MUC3A: variants seen among roughly 807,000 people sequenced by gnomAD.
The protein encoded by MUC3A is mucin 3A, cell surface associated, also known as mucin-3A.
In MUC3A, 109 loss-of-function variants were observed where a neutral mutation model predicts 109.0. The observed-to-expected ratio is 1.00, with a 90% CI of 0.86 to 1.17. The LOEUF (loss-of-function observed/expected upper bound fraction) is 1.17, where lower values mean the gene tolerates loss of function less well. Ranked by LOEUF, MUC3A falls within the 50% of genes most tolerant of loss-of-function variation. MUC3A has a pLI of 0.00. For synonymous variants in MUC3A, 1,398 were observed against 981.4 expected, an observed-to-expected ratio of 1.42 and a Z score of -7.93; for missense variants, 3,537 against 2,469.4, an observed-to-expected ratio of 1.43 and a Z score of -9.16.
rs1312565841 is a variant in MUC3A at position 100,959,183 on chromosome 7, T to C, written c.7404T>C (p.Thr2468=). Residue 2468 remains threonine (T), a synonymous_variant, in exon 2 of 12, where the codon ACT becomes ACC. Coordinates refer to ENST00000379458, the MANE Select transcript of MUC3A (RefSeq NM_005960.2). The part of the protein sequence containing the change: ...AITSHFTTSE[T]AVTPTPVTPS... ...CCTCACATTTTACTACCTCAGAGAC[T>C]GCGGTGACTCCCACACCTGTAACCC... The C allele has an allele frequency of 6.3e-7, 1 of 1,596,856 alleles. No individual in the cohort carries two copies.
At chr7:100,965,946 C>T (rs1792524105) in intron 8 of MUC3A, 80 bp downstream of exon 8, 2 of 1,492,488 alleles carry the variant, frequency 1.3e-6, no homozygotes, top group South Asian at 2.7e-5. Flanking sequence ...TGCTCCGCCC[C>T]GGCTCCGCGC....
Position 100,963,737 on chromosome 7 carries a change from A to C in MUC3A, c.9218A>C (p.Glu3073Ala), listed in dbSNP as rs1463126018. ...CAGGGCTTCACCTTCAAGGGTGTGG[A>C]GATCCTGTCCCTGAGGTAGGAGACC... is the stretch of plus-strand genomic sequence containing the variant. Reference protein sequence around the residue: ...DMQGFTFKGVEILSLRNGSIV... With the variant: ...DMQGFTFKGVAILSLRNGSIV... Residue 3073 changes from glutamate to alanine, a missense_variant, in exon 5 of 12, where the codon GAG (glutamate) becomes GCG (alanine). Coordinates refer to ENST00000379458, the MANE Select transcript of MUC3A (RefSeq NM_005960.2). The C allele has an allele frequency of 1.5e-5, 24 of 1,598,430 alleles. No individual in the cohort carries two copies. The highest frequency in any genetic ancestry group is 3.4e-6 in the Non-Finnish European group (4 of 1,179,836).
intron 6 of MUC3A, 154 bp from the exon 7 acceptor site, chr7:100,965,128 T>G (rs1792481899): frequency 1.8e-6 from 2 of 1,108,594 alleles, no homozygotes; most frequent in African/African-American, 3.4e-5. Context: ...ACAGGAGTCT[T>G]CGCCTGTGGC....
At chr7:100,966,835 GTCCCCCTC>G in intron 10 of MUC3A, 56 bp from the exon 11 acceptor site, 2 of 1,598,380 alleles carry the variant, frequency 1.3e-6, no homozygotes, top group Non-Finnish European at 1.7e-6. Context: ...CATTTACTCC[GTCCCCCTC>G]TCCCTTCCGT....
Position 100,952,907 on chromosome 7 carries a change from C to T in MUC3A, c.1128C>T (p.Thr376=). Residue 376 remains threonine (T), a synonymous_variant, in exon 2 of 12, where the codon ACC becomes ACT. Coordinates refer to ENST00000379458, the MANE Select transcript of MUC3A (RefSeq NM_005960.2). The part of the protein sequence containing the change: ...SLPPTSSSLP[T]TETATTPMTN... Reference sequence around the variant, plus strand: ...CACCCACCTCTTCCTCTCTCCCAACCACAGAAACAGCCACGACTCCTATGA... The same window carrying T: ...CACCCACCTCTTCCTCTCTCCCAACTACAGAAACAGCCACGACTCCTATGA... 26 of 1,583,600 alleles carry T rather than the reference C, an allele frequency of 1.6e-5. No homozygotes were observed. Among genetic ancestry groups the T allele is most frequent in the Non-Finnish European group, 2.2e-5 (26 of 1,172,358 alleles).
rs770722430 is a variant in MUC3A, at chr7:100,959,395, C to T, written c.7616C>T (p.Ser2539Phe). The T allele has an allele frequency of 1.3e-6, 2 of 1,535,982 alleles. No individual in the cohort carries two copies. The highest frequency in any genetic ancestry group is 1.7e-6 in the Non-Finnish European group (2 of 1,152,190). ...TCCATCCAAAGTACAGAAACCTCAT[C>T]CCTTGTGGGCACCACCTCTCCCACC... is the stretch of plus-strand genomic sequence containing the variant. The part of the protein sequence containing the change: ...SPSIQSTETS[S>F]LVGTTSPTMS... The change falls in exon 2 of 12, where the codon TCC becomes TTC. Residue 2539 changes from serine to phenylalanine, a missense_variant. Coordinates refer to ENST00000379458, the MANE Select transcript of MUC3A (RefSeq NM_005960.2).
rs1056687085 is a variant in MUC3A, at chr7:100,955,935, C to T, written c.4156C>T (p.Pro1386Ser). 3 of 536,266 alleles carry T rather than the reference C, an allele frequency of 5.6e-6. No individual in the cohort carries two copies. Among genetic ancestry groups the T allele is most frequent in the Non-Finnish European group, 9.9e-6 (3 of 302,214 alleles). 33.2% of individuals were successfully genotyped at this position (536,266 alleles called of 1,614,324 possible). Reference sequence around the variant, plus strand: ...CACAACAGCCATGACTTCTACTCCCCCCATCACTTCTTCAATCACTCCCAC... The same window carrying T: ...CACAACAGCCATGACTTCTACTCCCTCCATCACTTCTTCAATCACTCCCAC... ...SLTTAMTSTP[P>S]ITSSITPTDT... The change falls in exon 2 of 12, where the codon CCC (proline) becomes TCC (serine). Residue 1386 changes from proline to serine, a missense_variant. Transcript: ENST00000379458.
At chr7:100,966,246 C>CTACTGTGGATT in intron 8 of MUC3A, 140 bp from the exon 9 acceptor site, 1 of 604,538 alleles carries the variant, frequency 1.7e-6, no homozygotes, top group Non-Finnish European at 2.3e-6. Flanking sequence ...AGGGTGGATT[C>CTACTGTGGATT]CCAGCCCCTT....
chr7:100,966,220 C>T (rs1238394426), intron 8 of MUC3A, 166 bp from the exon 9 acceptor site: 6 of 326,040 alleles, frequency 1.8e-5, no homozygotes, highest in East Asian at 8.0e-5. Flanking sequence ...AGGGTAGAGC[C>T]CCGGCCCCTC....
In MUC3A at chr7:100,967,270, G is replaced by T. The variant is rs994374353; in HGVS notation, c.*108G>T. 4 of 1,519,334 alleles carry T rather than the reference G, an allele frequency of 2.6e-6. No individual in the cohort carries two copies. The East Asian group carries it at 7.1e-5, about 27-fold the overall frequency. 94.1% of individuals were successfully genotyped at this position (1,519,334 alleles called of 1,614,324 possible). A position where few individuals can be genotyped will look rare whatever the true frequency, so the allele number is the denominator to read the frequency against. ...CAGGACGCGGGCAGCCCAGGCTCCT[G>T]CTGTTCTTGGGCAAGATGAGACTGT... On this transcript the variant is annotated 3_prime_UTR_variant, in exon 12 of 12. Transcript: ENST00000379458.
Position 100,958,585 on chromosome 7 carries a change from A to ATCACCACCACCGAGACCACATCCCACAG in MUC3A, c.6807_6808insCACCACCACCGAGACCACATCCCACAGT (p.Thr2270HisfsTer21). On this transcript the variant is annotated frameshift_variant, in exon 2 of 12. Transcript: ENST00000379458. LOFTEE classifies it high-confidence loss of function. ...ACCACCACTGAGACCACCTCACATG[A>ATCACCACCACCGAGACCACATCCCACAG]TACTCCCAGCTTCACTTCTTCAATC... 2 of 231,588 alleles carry ATCACCACCACCGAGACCACATCCCACAG rather than the reference A, an allele frequency of 8.6e-6. No individual in the cohort carries two copies. The highest frequency in any genetic ancestry group is 1.4e-5 in the Non-Finnish European group (2 of 138,410). 14.3% of individuals were successfully genotyped at this position (231,588 alleles called of 1,614,324 possible).
intron 6 of MUC3A, 81 bp from the exon 7 acceptor site, chr7:100,965,201 A>C: frequency 6.4e-7 from 1 of 1,559,382 alleles, no homozygotes; most frequent in Non-Finnish European, 8.6e-7. Context: ...CCCTGTGCCT[A>C]TCCTGCCTCC....
In MUC3A at chr7:100,958,869, A is replaced by G; in HGVS notation, c.7090A>G (p.Thr2364Ala). Residue 2364 changes from threonine to alanine, a missense_variant, in exon 2 of 12, where the codon ACC becomes GCC. Physicochemically the swap from Thr to Ala is moderately conservative, Grantham distance 58. Coordinates refer to ENST00000379458, the MANE Select transcript of MUC3A (RefSeq NM_005960.2). ...STTSFTSSIT[T>A]TETTSHSTPS... ...TACCAGCTTCACTTCTTCGATCACCACCACCGAGACCACCTCACACAGTAC... is the reference window on the plus strand; with the variant it reads ...TACCAGCTTCACTTCTTCGATCACCGCCACCGAGACCACCTCACACAGTAC... The G allele has an allele frequency of 1.3e-6, 2 of 1,590,654 alleles. No individual in the cohort carries two copies. The highest frequency in any genetic ancestry group is 8.5e-7 in the Non-Finnish European group (1 of 1,175,140).
chr7:100,952,534 C>T lies in MUC3A; in HGVS notation c.755C>T (p.Ala252Val). The T allele has an allele frequency of 6.3e-7, 1 of 1,598,484 alleles. No individual in the cohort carries two copies. The highest frequency in any genetic ancestry group is 8.5e-7 in the Non-Finnish European group (1 of 1,179,724). ...PTPVFTTLKT[A>V]VTSTSPITSS... ...CCAGTATTTACTACTCTCAAAACAG[C>T]AGTGACTTCCACTTCCCCCATCACT... The change falls in exon 2 of 12, where the codon GCA (alanine) becomes GTA (valine). Residue 252 changes from alanine to valine, a missense_variant. By Grantham distance (64) the Ala-to-Val change is moderately conservative (BLOSUM62 0). Transcript: ENST00000379458.
At chr7:100,951,756 G>T in intron 1 of MUC3A, 85 bp from the exon 2 acceptor site, 1 of 1,542,502 alleles carries the variant, frequency 6.5e-7, no homozygotes, top group Non-Finnish European at 8.7e-7. Context: ...CCTGGAAAAT[G>T]GGTGAGTGAG....
chr7:100,967,778 A>C lies in MUC3A; in HGVS notation c.*616A>C. 6.0e-6 allele frequency: 1 copy of C among 167,992 alleles called. No homozygotes were observed. The highest frequency in any genetic ancestry group is 2.5e-5 in the African/African-American group (1 of 39,990). The allele number at this position is 167,992 out of a possible 1,614,324, so 10.4% of individuals were successfully genotyped here. A position where few individuals can be genotyped will look rare whatever the true frequency, so the allele number is the denominator to read the frequency against. The stretch of plus-strand genomic sequence containing the variant: ...TCCTGCACCCCAGTCCCCCAGCCCT[A>C]AATCCTCCCTCCTCTCCTCACATCC... On this transcript the variant is annotated 3_prime_UTR_variant, in exon 12 of 12. Transcript: ENST00000379458.
rs1791967910 is a variant in MUC3A at position 100,952,214 on chromosome 7, T to C, written c.435T>C (p.Cys145=). The C allele has an allele frequency of 1.3e-6, 2 of 1,598,440 alleles. No homozygotes were observed. Among genetic ancestry groups the C allele is most frequent in the South Asian group, 1.1e-5 (1 of 91,096 alleles). Residue 145 remains cysteine (C), a synonymous_variant, in exon 2 of 12, where the codon TGT becomes TGC. Transcript: ENST00000379458. ...CCATCTCCCACCCCACCTCCATCTGTGTGACCACGACGCAGGTGGCCTTCA... is the reference window on the plus strand; with the variant it reads ...CCATCTCCCACCCCACCTCCATCTGCGTGACCACGACGCAGGTGGCCTTCA... ...IITISHPTSI[C]VTTTQVAFTS...
chr7:100,950,580 GC>G (rs746594788), intron 1 of MUC3A, among the ~76,000 whole-genome samples: 30 of 152,424 alleles, frequency 2.0e-4, no homozygotes, highest in Admixed American at 1.0e-3. Flanking sequence ...CCAGCTCTCA[GC>G]CACAAGATGG....
Position 100,953,372 on chromosome 7 carries a change from A to AGG in MUC3A, c.1593_1594insGG (p.Thr532GlyfsTer99). On this transcript the variant is annotated frameshift_variant, in exon 2 of 12. Coordinates refer to ENST00000379458, the MANE Select transcript of MUC3A (RefSeq NM_005960.2). LOFTEE classifies it high-confidence loss of function. ...GTTCCCTCCTGACGACCTTCCCAGCAACATATTCATTTTCATCTTCCATGT... is the reference window on the plus strand; with the variant it reads ...GTTCCCTCCTGACGACCTTCCCAGCAGGACATATTCATTTTCATCTTCCATGT... 2.8e-6 allele frequency: 1 copy of AGG among 356,224 alleles called. No individual in the cohort carries two copies. The highest frequency in any genetic ancestry group is 4.7e-6 in the Non-Finnish European group (1 of 214,160). 22.1% of individuals were successfully genotyped at this position (356,224 alleles called of 1,614,324 possible). A position where few individuals can be genotyped will look rare whatever the true frequency, so the allele number is the denominator to read the frequency against.
Sources: gnomAD v4.1 joint callset for allele counts (sites outside exome capture counted in the v4.1 genomes callset) on GRCh38, gnomAD v4.1.1 for gene constraint, MANE v1.5 for transcripts, NCBI Gene and HGNC (gene_info 2026-07-23, HGNC 2026-07-21) for gene names.